SLC19A1: variants seen among roughly 807,000 people sequenced by gnomAD.
The protein encoded by SLC19A1 is reduced folate transporter.
A neutral mutation model predicts 35.3 loss-of-function variants in SLC19A1; 37 were observed. The observed-to-expected ratio is 1.05, with a 90% CI of 0.81 to 1.38. SLC19A1 has a LOEUF of 1.38. Ranked by LOEUF, SLC19A1 falls within the 40% of genes most tolerant of loss-of-function variation. The pLI is 0.00. For missense variants in SLC19A1, 831 were observed against 826.9 expected (o/e 1.00, Z -0.06); for synonymous variants, 460 against 398.5 (o/e 1.15, Z -1.84).
chr21:45,518,354 A>C (rs2038070418), intron 5 of SLC19A1, among the ~76,000 whole-genome samples: 1 of 152,232 alleles, frequency 6.6e-6, no homozygotes, highest in Non-Finnish European at 1.5e-5. Context: ...ACAAAGCCTC[A>C]TTCCTTGTGG....
chr21:45,532,284 C>T (rs1021229420), intron 2 of SLC19A1, 136 bp from the exon 3 acceptor site: 3 of 683,216 alleles, frequency 4.4e-6, no homozygotes, highest in South Asian at 3.7e-5. Flanking sequence ...CCCCAACACG[C>T]CCCTGTCCCA....
rs561759334 is a variant in SLC19A1, at chr21:45,530,148, T to G, written c.1151+622A>C. On this transcript the variant is annotated intron_variant, in intron 4 of 5. Transcript: ENST00000311124. This position sits in a 1 kb window ranked among gnomAD's most constrained non-coding sequence, Gnocchi z 5.3. The stretch of plus-strand genomic sequence containing the variant: ...TGTGGTGTGTTCATGTGAGTGTGCA[T>G]TGTGTGTCCGTGTGTGTGTGGTGCG... Among the ~76,000 whole-genome samples the G allele has an allele frequency of 2.1e-5, 3 of 146,188 alleles. No individual in the cohort carries two copies. The South Asian group carries it at 6.7e-4, about 33-fold the overall frequency.
chr21:45,503,832 C>A, intron 3 of SLC19A1: 2 of 438,730 alleles, frequency 4.6e-6, no homozygotes, highest in Non-Finnish European at 4.1e-6. Context: ...AAAAAGGCAC[C>A]ATTAACAAAA....
upstream of SLC19A1, among the ~76,000 whole-genome samples, chr21:45,547,620 C>A (rs559675358): frequency 6.6e-6 from 1 of 152,206 alleles, no homozygotes; most frequent in Non-Finnish European, 1.5e-5. Context: ...CCAATCCCGA[C>A]ATGTTTAGCT....
At chr21:45,512,388 C>G (rs1408214690), downstream of SLC19A1, 1 of 1,612,410 alleles carries the variant, frequency 6.2e-7, no homozygotes, top group Non-Finnish European at 8.5e-7. Context: ...TTCATGACTG[C>G]CTCCAAGTAG....
intron 1 of SLC19A1, among the ~76,000 whole-genome samples, chr21:45,556,428 G>T (rs925830647): frequency 4.6e-5 from 7 of 152,234 alleles, no homozygotes; most frequent in Admixed American, 2.0e-4. Context: ...CCAGCGCCCG[G>T]GCTTGGGTGT....
rs1283793047 is a variant in SLC19A1, at chr21:45,540,203, G to T, written c.-50+2165C>A. ...CCGCACCCACTCCTCCCCACTGGGA[G>T]ACCCATTTGGCCCTGGGACTCCCTG... On this transcript the variant is annotated intron_variant, in intron 1 of 5. Coordinates refer to ENST00000311124, the MANE Select transcript of SLC19A1 (RefSeq NM_194255.4). This position sits in a 1 kb window ranked among gnomAD's most constrained non-coding sequence, Gnocchi z 5.5. Among the ~76,000 whole-genome samples the T allele has an allele frequency of 6.6e-6, 1 of 152,180 alleles. No homozygotes were observed. The highest frequency in any genetic ancestry group is 1.5e-5 in the Non-Finnish European group (1 of 68,014).
chr21:45,509,717 G>C, downstream of SLC19A1: 5 of 745,596 alleles, frequency 6.7e-6, no homozygotes, highest in Non-Finnish European at 1.2e-5. Context: ...CATGGGTGGG[G>C]GTCTGGCGGC....
At chr21:45,543,075 C>T (rs893993280), upstream of SLC19A1, among the ~76,000 whole-genome samples, 1 of 152,138 alleles carries the variant, frequency 6.6e-6, no homozygotes, top group Non-Finnish European at 1.5e-5. Flanking sequence ...AAGGAGCAAG[C>T]CGGATCCAGG....
intron 3 of SLC19A1, chr21:45,505,415 T>C: frequency 6.4e-7 from 1 of 1,562,256 alleles, no homozygotes; most frequent in Non-Finnish European, 8.8e-7. Context: ...CCTGGAACCA[T>C]GGGCGCCTCC....
rs1254095551 is a variant in SLC19A1 at position 45,516,157 on chromosome 21, G to A, written c.1294-17C>T. 3.8e-6 allele frequency: 6 copies of A among 1,598,458 alleles called. No individual in the cohort carries two copies. Among genetic ancestry groups the A allele is most frequent in the Non-Finnish European group, 5.1e-6 (6 of 1,171,888 alleles). On this transcript the variant is annotated splice_polypyrimidine_tract_variant and intron_variant, in intron 5 of 5. Coordinates refer to ENST00000311124, the MANE Select transcript of SLC19A1 (RefSeq NM_194255.4). ...TAACTGGAACTGGAAAGAGAGGCCG[G>A]GTGAGGCGGGTGGGGAGGGCCTGGC...
upstream of SLC19A1, among the ~76,000 whole-genome samples, chr21:45,547,280 C>G (rs1032204267): frequency 6.6e-6 from 1 of 152,044 alleles, no homozygotes; most frequent in East Asian, 1.9e-4. Flanking sequence ...TTGTGTAAAC[C>G]AAAAATAAAC....
At chr21:45,504,250 G>A (rs1331849490) in intron 3 of SLC19A1, 2 of 871,458 alleles carry the variant, frequency 2.3e-6, no homozygotes, top group Non-Finnish European at 3.6e-6. Flanking sequence ...GGACTCGGCT[G>A]ATGCAGTGGG....
At chr21:45,525,050 G>T (rs1214063604) in intron 5 of SLC19A1, among the ~76,000 whole-genome samples, 1 of 152,216 alleles carries the variant, frequency 6.6e-6, no homozygotes, top group East Asian at 1.9e-4. Flanking sequence ...ACAGGCATTT[G>T]TGAGCCGAAG....
chr21:45,510,083 A>G (rs764739512), downstream of SLC19A1: 14 of 1,580,584 alleles, frequency 8.9e-6, no homozygotes, highest in South Asian at 2.3e-5. Context: ...GTTGCGCTCA[A>G]CAGCCCCCTG....
At chr21:45,507,682 C>A, downstream of SLC19A1, 1 of 1,242,610 alleles carries the variant, frequency 8.0e-7, no homozygotes, top group South Asian at 1.3e-5. Flanking sequence ...AACACGTGGT[C>A]CTTTGGAGTC....
chr21:45,556,661 TG>T (rs773837428), intron 1 of SLC19A1, among the ~76,000 whole-genome samples: 8 of 152,136 alleles, frequency 5.3e-5, no homozygotes, highest in Non-Finnish European at 1.0e-4. Context: ...AGACATGGGG[TG>T]GGGGCCAGGG....
Position 45,533,333 on chromosome 21 carries a change from G to A in SLC19A1, c.190-1185C>T, listed in dbSNP as rs2077998566. Among the ~76,000 whole-genome samples the A allele has an allele frequency of 6.6e-6, 1 of 152,188 alleles. No individual in the cohort carries two copies. The highest frequency in any genetic ancestry group is 1.5e-5 in the Non-Finnish European group (1 of 68,012). ...CTACCTCCTACAGGACAAGGTCAGA[G>A]GACACTGCCCCAGACTACTACAGGC... On this transcript the variant is annotated intron_variant, in intron 2 of 5. Transcript: ENST00000311124. This position sits in a 1 kb window ranked among gnomAD's most constrained non-coding sequence, Gnocchi z 4.5.
chr21:45,557,187 G>A (rs2078571757), intron 1 of SLC19A1, among the ~76,000 whole-genome samples: 1 of 152,196 alleles, frequency 6.6e-6, no homozygotes, highest in South Asian at 2.1e-4. Flanking sequence ...CTGGGCCCTG[G>A]GGCTGCTGAA....
Sources: gnomAD v4.1 joint callset for allele counts (sites outside exome capture counted in the v4.1 genomes callset) on GRCh38, gnomAD v4.1.1 for gene constraint, Gnocchi (gnomAD v3.1) non-coding constraint, MANE v1.5 for transcripts, NCBI Gene and HGNC (gene_info 2026-07-23, HGNC 2026-07-21) for gene names.